The following KIF1A variants were observed in gnomAD, a reference collection of about 807,000 sequenced individuals.
KIF1A encodes kinesin-like protein KIF1A.
In KIF1A, 46 loss-of-function variants were observed where a neutral mutation model predicts 227.3. The ratio of observed to expected loss-of-function variants is 0.20; its 90% CI spans 0.16 to 0.26. The LOEUF is 0.26. Among genes scored for constraint, KIF1A ranks in the 10% least tolerant of loss-of-function variants. The pLI is 1.00. For missense variants in KIF1A, 1,683 were observed against 2,485.9 expected, an observed-to-expected ratio of 0.68 and a Z score of 6.87; for synonymous variants, 1,022 against 1,012.8, an observed-to-expected ratio of 1.01 and a Z score of -0.17.
rs1336738955 is a variant in KIF1A, at chr2:240,747,341, A to G, written c.2978-20T>C. On this transcript the variant is annotated intron_variant, in intron 28 of 48. Transcript: ENST00000498729. The stretch of plus-strand genomic sequence containing the variant: ...CATCGGCTGCAGGAGAAACAGAGCA[A>G]ATGGTTGGAGCCCAGCTTGTCCCCT... The G allele has an allele frequency of 1.9e-6, 3 of 1,605,440 alleles. No individual in the cohort carries two copies. The highest frequency in any genetic ancestry group is 1.7e-6 in the Non-Finnish European group (2 of 1,173,232).
At position 240,760,738 on chromosome 2, in the gene KIF1A, G is replaced by T. The variant is rs768035823; in HGVS notation, c.2371C>A (p.Arg791Ser). The T allele has an allele frequency of 6.3e-7, 1 of 1,596,924 alleles. No individual in the cohort carries two copies. Among genetic ancestry groups the T allele is most frequent in the Non-Finnish European group, 8.5e-7 (1 of 1,171,338 alleles). ...AKDRETRPFP[R>S]TIVAVEVQDQ... is the part of the protein sequence containing the mutation. Reference sequence around the variant, plus strand: ...TGGACCTCCACGGCCACAATGGTGCGGGGGAAGGGCCGCGTCTCTCGGTCT... The same window carrying T: ...TGGACCTCCACGGCCACAATGGTGCTGGGGAAGGGCCGCGTCTCTCGGTCT... The change falls in exon 25 of 49, where the codon CGC (arginine) becomes AGC (serine). Residue 791 changes from arginine to serine, a missense_variant. Around this residue, in one of 12 missense-constraint regions of KIF1A, gnomAD observed 759 missense variants for 1,020.2 expected, o/e 0.74. Coordinates refer to ENST00000498729, the MANE Select transcript of KIF1A (RefSeq NM_001244008.2).
intron 6 of KIF1A, among the ~76,000 whole-genome samples, chr2:240,785,621 CAGGGA>C (rs1259597722): frequency 2.0e-5 from 3 of 152,326 alleles, no homozygotes; most frequent in African/African-American, 7.2e-5. Flanking sequence ...CCAGGGACCT[CAGGGA>C]AGGTTCCCAA....
chr2:240,742,361 G>A (rs1054954702), intron 34 of KIF1A, among the ~76,000 whole-genome samples: 2 of 152,080 alleles, frequency 1.3e-5, no homozygotes, highest in Admixed American at 6.6e-5. Flanking sequence ...ACACCTGCTG[G>A]GCCTCAGTCT....
chr2:240,786,251 G>A (rs1022623525), intron 6 of KIF1A, 84 bp downstream of exon 6: 11 of 1,373,562 alleles, frequency 8.0e-6, no homozygotes, highest in East Asian at 2.3e-5. Flanking sequence ...ACCAAAAAGG[G>A]CCAGGACCGA....
Position 240,786,574 on chromosome 2 carries a change from G to C in KIF1A, c.430-61C>G. ...GGCGAGGGAGTGGGGCTGCCACTGG[G>C]GGGACCCCTGAGTGAGGGGGTAGGG... On this transcript the variant is annotated intron_variant, in intron 5 of 48. Transcript: ENST00000498729. The C allele has an allele frequency of 3.3e-6, 5 of 1,499,348 alleles. No individual in the cohort carries two copies. The South Asian group carries it at 4.6e-5, about 14-fold the overall frequency. 92.9% of individuals were successfully genotyped at this position (1,499,348 alleles called of 1,614,324 possible).
At chr2:240,806,993 C>A (rs1442131066) in intron 1 of KIF1A, among the ~76,000 whole-genome samples, 1 of 151,740 alleles carries the variant, frequency 6.6e-6, no homozygotes, top group Non-Finnish European at 1.5e-5. Flanking sequence ...CCAGGACCCC[C>A]CACAGATACC....
In KIF1A at chr2:240,783,039, C is replaced by T. The variant is rs745739108; in HGVS notation, c.864+5G>A. 2 of 1,611,948 alleles carry T rather than the reference C, an allele frequency of 1.2e-6. No homozygotes were observed. Among genetic ancestry groups the T allele is most frequent in the Non-Finnish European group, 1.7e-6 (2 of 1,178,386 alleles). On this transcript the variant is annotated splice_donor_5th_base_variant and intron_variant, in intron 9 of 48. Transcript: ENST00000498729. ...TGGCTATGGAAGCCGGGCCGGGCCA[C>T]TCACCATTTCAGCCAGGGCGGAGAT...
intron 45 of KIF1A, chr2:240,720,260 T>G: frequency 4.5e-6 from 1 of 221,868 alleles, no homozygotes; most frequent in Non-Finnish European, 8.8e-6. Flanking sequence ...CATCTCTTCA[T>G]CTCCACAACT....
Position 240,785,049 on chromosome 2 carries a change from G to A in KIF1A, c.660C>T (p.Val220=). 1 of 1,613,550 alleles carries A rather than the reference G, an allele frequency of 6.2e-7. No individual in the cohort carries two copies. The highest frequency in any genetic ancestry group is 8.5e-7 in the Non-Finnish European group (1 of 1,179,810). ...MNETSSRSHA[V]FNIIFTQKRH... is the part of the protein sequence containing the mutation. Reference sequence around the variant, plus strand: ...GCTTCTGGGTGAAGATGATGTTGAAGACGGCGTGGGAGCGACTGCTGGTCT... The same window carrying A: ...GCTTCTGGGTGAAGATGATGTTGAAAACGGCGTGGGAGCGACTGCTGGTCT... Residue 220 remains valine, a synonymous_variant, in exon 7 of 49, where the codon GTC becomes GTT. Coordinates refer to ENST00000498729, the MANE Select transcript of KIF1A (RefSeq NM_001244008.2).
chr2:240,743,813 C>T, intron 33 of KIF1A, 129 bp downstream of exon 33: 1 of 633,168 alleles, frequency 1.6e-6, no homozygotes, highest in South Asian at 2.0e-5. Context: ...CAAAAGGCCT[C>T]CTGGATGGGC....
intron 14 of KIF1A, among the ~76,000 whole-genome samples, chr2:240,771,754 T>A (rs911914384): frequency 1.4e-4 from 21 of 152,090 alleles, no homozygotes; most frequent in African/African-American, 5.1e-4. Flanking sequence ...CCAGAGACCA[T>A]CCTGGAGGAG....
intron 14 of KIF1A, 65 bp downstream of exon 14, chr2:240,772,505 C>T: frequency 7.0e-7 from 1 of 1,429,874 alleles, no homozygotes; most frequent in Non-Finnish European, 9.6e-7. Flanking sequence ...ACCATGCCAC[C>T]CTAGGCCCTC....
At position 240,758,323 on chromosome 2, in the gene KIF1A, ATCTC is replaced by A. The variant is rs768402557; in HGVS notation, c.2582+33_2582+36del. 22 of 1,591,142 alleles carry A rather than the reference ATCTC, an allele frequency of 1.4e-5. No individual in the cohort carries two copies. The highest frequency in any genetic ancestry group is 1.8e-5 in the Non-Finnish European group (21 of 1,168,730). Reference sequence around the variant, plus strand: ...CCCCCACTGCCATCTCTCTCTCTCAATCTCTCTCTCTGCCAAGGAAGGGAGGAGG... The same window carrying A: ...CCCCCACTGCCATCTCTCTCTCTCAATCTCTCTGCCAAGGAAGGGAGGAGG... On this transcript the variant is annotated intron_variant, in intron 26 of 48. Coordinates refer to ENST00000498729, the MANE Select transcript of KIF1A (RefSeq NM_001244008.2). The surrounding 1 kb of genome is among the most constrained non-coding windows in gnomAD (Gnocchi z 5.2).
At chr2:240,718,206 C>G in intron 47 of KIF1A, 38 bp from the exon 48 acceptor site, 1 of 1,406,318 alleles carries the variant, frequency 7.1e-7, no homozygotes, top group Non-Finnish European at 9.9e-7. Context: ...GTGCCAGGCT[C>G]CGTGGTCAGC....
At chr2:240,814,698 A>G (rs1031695562) in intron 1 of KIF1A, among the ~76,000 whole-genome samples, 1 of 152,184 alleles carries the variant, frequency 6.6e-6, no homozygotes, top group Non-Finnish European at 1.5e-5. Flanking sequence ...GGGCCGAGGC[A>G]GGAGGATTGC....
chr2:240,753,611 C>T (rs1439422461), intron 27 of KIF1A, among the ~76,000 whole-genome samples: 1 of 152,192 alleles, frequency 6.6e-6, no homozygotes, highest in Non-Finnish European at 1.5e-5. Context: ...TCCCTAGGGG[C>T]CAAGCACAGT....
intron 38 of KIF1A, chr2:240,734,822 G>GAAGC: frequency 8.8e-7 from 1 of 1,133,942 alleles, no homozygotes; most frequent in Non-Finnish European, 1.2e-6. Context: ...CAGGCAGAGG[G>GAAGC]AAGCGGCCTG....
chr2:240,821,382 G>A (rs1211597870), upstream of KIF1A, among the ~76,000 whole-genome samples: 2 of 152,212 alleles, frequency 1.3e-5, no homozygotes, highest in Non-Finnish European at 2.9e-5. Flanking sequence ...CAGGTGGCTG[G>A]GGGAGATTCA....
intron 10 of KIF1A, among the ~76,000 whole-genome samples, chr2:240,781,553 A>G (rs1371813936): frequency 1.3e-5 from 2 of 151,670 alleles, no homozygotes; most frequent in Non-Finnish European, 2.9e-5. Context: ...TGGACAGCGG[A>G]TCGTTCTCCG....
Sources: gnomAD v4.1 joint callset for allele counts (sites outside exome capture counted in the v4.1 genomes callset) on GRCh38, gnomAD v4.1.1 for gene constraint, gnomAD v4.1.1 regional missense constraint, Gnocchi (gnomAD v3.1) non-coding constraint, MANE v1.5 for transcripts, NCBI Gene and HGNC (gene_info 2026-07-23, HGNC 2026-07-21) for gene names.